The following MACROD1 variants were observed in gnomAD, a reference collection of about 807,000 sequenced individuals.
The protein encoded by MACROD1 is ADP-ribose glycohydrolase MACROD1.
MACROD1 carries 31 observed loss-of-function variants against 41.4 expected under a neutral mutation model. The ratio of observed to expected loss-of-function variants is 0.75; its 90% confidence interval spans 0.56 to 1.01. The LOEUF is 1.01. MACROD1 is among the 50% of genes least tolerant of loss of function. The pLI, the probability that MACROD1 is intolerant of heterozygous loss-of-function variation, is 0.00. For synonymous variants in MACROD1, 252 were observed against 203.4 expected (o/e 1.24, Z -2.03); for missense variants, 473 against 460.0 (o/e 1.03, Z -0.26).
At position 64,067,479 on chromosome 11, in the gene MACROD1, G is replaced by A. The variant is rs900067637; in HGVS notation, c.518-52198C>T. Among the ~76,000 whole-genome samples, 1 of 152,258 alleles carries A rather than the reference G, an allele frequency of 6.6e-6. No individual in the cohort carries two copies. Among genetic ancestry groups the A allele is most frequent in the South Asian group, 2.1e-4 (1 of 4,830 alleles). ...AGACGCCCAGCTCAGATAACAGAAG[G>A]GAGGAGATAGGTCGGGGACGGGGAC... On this transcript the variant is annotated intron_variant, in intron 3 of 10. Transcript: ENST00000255681. The surrounding 1 kb of genome is among the most constrained non-coding windows in gnomAD (Gnocchi z 4.6).
chr11:64,145,305 G>C (rs968435096), intron 3 of MACROD1, among the ~76,000 whole-genome samples: 5 of 151,948 alleles, frequency 3.3e-5, no homozygotes, highest in African/African-American at 9.7e-5. Flanking sequence ...CTCGCCTCCC[G>C]CCACCTCCTT....
Position 64,064,694 on chromosome 11 carries a change from GCCCT to G in MACROD1, c.518-49417_518-49414del, listed in dbSNP as rs1199841664. ...ACGGCACCGAGATAGAAGGAGGGGG[GCCCT>G]CCCTGAGTTCTCCTCTCCCCTCCCT... On this transcript the variant is annotated intron_variant, in intron 3 of 10. Transcript: ENST00000255681. The surrounding 1 kb of genome is among the most constrained non-coding windows in gnomAD (Gnocchi z 4.5). Among the ~76,000 whole-genome samples the G allele has an allele frequency of 6.7e-6, 1 of 149,032 alleles. No homozygotes were observed. Among genetic ancestry groups the G allele is most frequent in the Non-Finnish European group, 1.5e-5 (1 of 66,760 alleles).
intron 3 of MACROD1, among the ~76,000 whole-genome samples, chr11:64,058,179 C>T (rs1309914860): frequency 1.3e-5 from 2 of 152,262 alleles, no homozygotes; most frequent in South Asian, 4.1e-4. Flanking sequence ...TGTCCACCCA[C>T]GAAATGACTA....
intron 3 of MACROD1, among the ~76,000 whole-genome samples, chr11:64,031,881 G>A (rs1026686475): frequency 2.0e-5 from 3 of 152,220 alleles, no homozygotes; most frequent in African/African-American, 7.2e-5. Flanking sequence ...TGAACATCCC[G>A]TAGTATACTG....
chr11:64,141,192 G>A (rs1945407966), intron 3 of MACROD1, among the ~76,000 whole-genome samples: 1 of 152,146 alleles, frequency 6.6e-6, no homozygotes, highest in Admixed American at 6.6e-5. Context: ...GGTGGGGGAG[G>A]TGAGGAGACG....
chr11:64,155,440 A>G (rs1184287684), intron 1 of MACROD1, among the ~76,000 whole-genome samples: 1 of 152,134 alleles, frequency 6.6e-6, no homozygotes, highest in East Asian at 1.9e-4. Context: ...ACCTCCCAAC[A>G]CCATGCTCAG....
chr11:64,147,241 A>AT (rs534288814), intron 3 of MACROD1, among the ~76,000 whole-genome samples: 35 of 146,590 alleles, frequency 2.4e-4, no homozygotes, highest in Non-Finnish European at 3.8e-4. Flanking sequence ...ATCTTTTTTA[A>AT]TTTTTTTTTT....
intron 3 of MACROD1, among the ~76,000 whole-genome samples, chr11:64,056,052 AG>A (rs1943779957): frequency 6.6e-6 from 1 of 152,172 alleles, no homozygotes; most frequent in Admixed American, 6.5e-5. Context: ...CCTGTGGGCC[AG>A]GGTTGGCAGG....
intron 3 of MACROD1, among the ~76,000 whole-genome samples, chr11:64,123,669 G>A (rs944277030): frequency 3.3e-5 from 5 of 152,024 alleles, no homozygotes; most frequent in Non-Finnish European, 7.4e-5. Context: ...CTAGGGAAAG[G>A]GACTCAGGCC....
chr11:64,019,583 A>G lies in MACROD1; in HGVS notation c.518-4302T>C, dbSNP rs571990023. 2.0e-5 allele frequency among the ~76,000 whole-genome samples: 3 copies of G among 152,284 alleles called. No homozygotes were observed. In the East Asian group the frequency reaches 5.8e-4, roughly 29 times the overall value. ...ACAGGTCACAGGAGGCCCGAGGCAC[A>G]GGTGGCACCCGGCCCCTCCTCCATG... On this transcript the variant is annotated intron_variant, in intron 3 of 10. Transcript: ENST00000255681.
At chr11:64,134,424 G>A (rs867112789) in intron 3 of MACROD1, among the ~76,000 whole-genome samples, 2 of 152,360 alleles carry the variant, frequency 1.3e-5, no homozygotes, top group Middle Eastern at 3.4e-3. Context: ...AAGGGCAAGG[G>A]AGCTGGTGGG....
chr11:64,045,801 T>TA (rs1943573990), intron 3 of MACROD1, among the ~76,000 whole-genome samples: 2 of 152,130 alleles, frequency 1.3e-5, no homozygotes, highest in South Asian at 4.1e-4. Context: ...ATAATAGTAA[T>TA]AACAGGTGGG....
chr11:64,149,694 CA>C (rs1019850675), intron 3 of MACROD1, among the ~76,000 whole-genome samples: 2 of 152,272 alleles, frequency 1.3e-5, no homozygotes, highest in African/African-American at 4.8e-5. Context: ...GGTACCGCTG[CA>C]GTACCTCTCA....
At chr11:63,999,196 C>T (rs930334736) in intron 8 of MACROD1, 135 bp downstream of exon 8, 38 of 1,373,294 alleles carry the variant, frequency 2.8e-5, no homozygotes, top group Non-Finnish European at 3.3e-5. Flanking sequence ...CGCCAGGCGC[C>T]CTTGCGCAGG....
At chr11:64,050,802 T>A (rs1394056677) in intron 3 of MACROD1, among the ~76,000 whole-genome samples, 1 of 152,174 alleles carries the variant, frequency 6.6e-6, no homozygotes, top group East Asian at 1.9e-4. Context: ...TATTTCTAGT[T>A]GAGATGGGGT....
At chr11:64,137,381 T>C (rs765366141) in intron 3 of MACROD1, among the ~76,000 whole-genome samples, 1 of 151,884 alleles carries the variant, frequency 6.6e-6, no homozygotes, top group African/African-American at 2.4e-5. Context: ...TAAAGAATAG[T>C]TGGTGAGGAT....
chr11:64,156,039 C>T (rs534922068), intron 1 of MACROD1, among the ~76,000 whole-genome samples: 2 of 143,166 alleles, frequency 1.4e-5, no homozygotes, highest in Admixed American at 1.5e-4. Flanking sequence ...ACCTGGGAGG[C>T]GGAGGTTGCG....
At chr11:64,159,651 G>A (rs1485693118) in intron 1 of MACROD1, among the ~76,000 whole-genome samples, 2 of 151,648 alleles carry the variant, frequency 1.3e-5, no homozygotes, top group South Asian at 2.1e-4. Context: ...AAAATTAGCC[G>A]GGCATGGGGG....
chr11:64,044,142 C>T (rs763026081), intron 3 of MACROD1, among the ~76,000 whole-genome samples: 3 of 152,074 alleles, frequency 2.0e-5, no homozygotes, highest in Non-Finnish European at 4.4e-5. Flanking sequence ...AAAGCATATG[C>T]TCGTAACCCC....
Sources: gnomAD v4.1 joint callset for allele counts (sites outside exome capture counted in the v4.1 genomes callset) on GRCh38, gnomAD v4.1.1 for gene constraint, Gnocchi (gnomAD v3.1) non-coding constraint, MANE v1.5 for transcripts, NCBI Gene and HGNC (gene_info 2026-07-23, HGNC 2026-07-21) for gene names.